Variants in DTD1 observed in about 807,000 individuals in gnomAD.
The protein encoded by DTD1 is D-tyrosyl-tRNA deacylase 1 homolog.
In DTD1, 13 loss-of-function variants were observed where a neutral mutation model predicts 25.6. The observed-to-expected ratio is 0.51, with a 90% confidence interval of 0.33 to 0.81. DTD1 has a LOEUF of 0.81. Among genes scored for constraint, DTD1 ranks in the 30% least tolerant of loss-of-function variants. The pLI is 0.02. For synonymous variants in DTD1, 110 were observed against 103.6 expected, an observed-to-expected ratio of 1.06 and a Z score of -0.37; for missense variants, 193 against 266.4, an observed-to-expected ratio of 0.72 and a Z score of 1.92.
rs998602007 is a variant in DTD1 at position 18,638,173 on chromosome 20, A to G, written c.477+9940A>G. On this transcript the variant is annotated intron_variant, in intron 4 of 5. Transcript: ENST00000377452. ...CACCCATATGTCCCTCCATCTGCCC[A>G]TCCATCCATCCATCCATCCATCCAT... is the stretch of plus-strand genomic sequence containing the variant. Among the ~76,000 whole-genome samples, 3 of 3,398 alleles carry G rather than the reference A, an allele frequency of 8.8e-4. No individual in the cohort carries two copies. The East Asian group carries it at 0.014, about 16-fold the overall frequency. 2.2% of individuals were successfully genotyped at this position (3,398 alleles called of 152,430 possible). A position where few individuals can be genotyped will look rare whatever the true frequency, so the allele number is the denominator to read the frequency against.
rs1600229443 is a variant in DTD1, at chr20:18,764,312, C to T, written c.*972C>T. The T allele has an allele frequency of 1.3e-5, 2 of 152,348 alleles. No individual in the cohort carries two copies. The highest frequency in any genetic ancestry group is 2.4e-5 in the African/African-American group (1 of 41,578). The allele number at this position is 152,348 out of a possible 1,614,324, so 9.4% of individuals were successfully genotyped here. A position where few individuals can be genotyped will look rare whatever the true frequency, so the allele number is the denominator to read the frequency against. ...TGTATCCAAGTCACCACACCCAGCACTCTGGGAAGAAAGAATCACATTCTG... is the reference window on the plus strand; with the variant it reads ...TGTATCCAAGTCACCACACCCAGCATTCTGGGAAGAAAGAATCACATTCTG... On this transcript the variant is annotated 3_prime_UTR_variant, in exon 6 of 6. Transcript: ENST00000377452.
chr20:18,636,631 T>A (rs899088281), intron 4 of DTD1, among the ~76,000 whole-genome samples: 18 of 151,988 alleles, frequency 1.2e-4, no homozygotes, highest in African/African-American at 4.1e-4. Flanking sequence ...GTCAGTGGGG[T>A]GTGAGTTGGA....
At chr20:18,719,364 G>A (rs754140465) in intron 4 of DTD1, among the ~76,000 whole-genome samples, 4 of 152,160 alleles carry the variant, frequency 2.6e-5, no homozygotes, top group Admixed American at 6.5e-5. Flanking sequence ...TCTTATTAGT[G>A]CAGATCTAAA....
chr20:18,654,009 T>C (rs1400987926), intron 4 of DTD1, among the ~76,000 whole-genome samples: 1 of 152,254 alleles, frequency 6.6e-6, no homozygotes, highest in Non-Finnish European at 1.5e-5. Context: ...GCTGCACTGC[T>C]TTACATTTTT....
chr20:18,757,769 G>A (rs1165341624), intron 5 of DTD1, among the ~76,000 whole-genome samples: 3 of 152,158 alleles, frequency 2.0e-5, no homozygotes, highest in Admixed American at 1.3e-4. Flanking sequence ...TTGGTATCAG[G>A]ATGATGCTGG....
Position 18,765,838 on chromosome 20 carries a change from G to T in DTD1, c.*2498G>T, listed in dbSNP as rs2061377348. 1 of 152,188 alleles carries T rather than the reference G, an allele frequency of 6.6e-6. No homozygotes were observed. The highest frequency in any genetic ancestry group is 2.1e-4 in the South Asian group (1 of 4,830). 9.4% of individuals were successfully genotyped at this position (152,188 alleles called of 1,614,324 possible). On this transcript the variant is annotated 3_prime_UTR_variant, in exon 6 of 6. Coordinates refer to ENST00000377452, the MANE Select transcript of DTD1 (RefSeq NM_080820.6). ...TTATTTATAAAGCATACTGCTTATT[G>T]TCCATTAAAACATCATTTGAATGAG...
intron 5 of DTD1, among the ~76,000 whole-genome samples, chr20:18,750,280 C>A (rs956105794): frequency 1.3e-5 from 2 of 152,164 alleles, no homozygotes; most frequent in African/African-American, 4.8e-5. Context: ...AAATCACCAC[C>A]AAATATTCAG....
intron 5 of DTD1, among the ~76,000 whole-genome samples, chr20:18,752,252 TC>T: frequency 6.6e-6 from 1 of 152,338 alleles, no homozygotes; most frequent in African/African-American, 2.4e-5. Flanking sequence ...CATTAATACT[TC>T]AATACCCCTA....
chr20:18,688,740 T>G lies in DTD1; in HGVS notation c.478-55360T>G, dbSNP rs139803834. ...TGTTTGGTTTTTTAGCTATGAAGCA[T>G]TCACAGAAATGATAAGAGCCAAGAT... On this transcript the variant is annotated intron_variant, in intron 4 of 5. Transcript: ENST00000377452. Among the ~76,000 whole-genome samples, 260 of 152,208 alleles carry G rather than the reference T, an allele frequency of 1.7e-3. 1 individual carries two copies. Among genetic ancestry groups the G allele is most frequent in the African/African-American group, 5.9e-3 (246 of 41,526 alleles).
chr20:18,631,517 A>G (rs1324827718), intron 4 of DTD1: 9 of 985,362 alleles, frequency 9.1e-6, no homozygotes, highest in Admixed American at 6.1e-5. Flanking sequence ...AATGTCTCCA[A>G]TTGAGAAATG....
intron 2 of DTD1, 62 bp from the exon 3 acceptor site, chr20:18,595,944 A>G (rs2122244106): frequency 1.4e-6 from 2 of 1,410,628 alleles, no homozygotes; most frequent in Admixed American, 1.7e-5. Flanking sequence ...TTTTTGGGGT[A>G]TGGAGTGTGT....
At chr20:18,716,791 T>C (rs892391543) in intron 4 of DTD1, among the ~76,000 whole-genome samples, 1 of 152,222 alleles carries the variant, frequency 6.6e-6, no homozygotes, top group Non-Finnish European at 1.5e-5. Flanking sequence ...AGAGAAGCCT[T>C]ACTGGTAACA....
At chr20:18,613,017 C>A (rs1439141833) in intron 3 of DTD1, among the ~76,000 whole-genome samples, 1 of 152,166 alleles carries the variant, frequency 6.6e-6, no homozygotes, top group African/African-American at 2.4e-5. Context: ...CCTTCTCCGT[C>A]ATGATCAAGG....
intron 5 of DTD1, among the ~76,000 whole-genome samples, chr20:18,748,947 C>T (rs1224891632): frequency 6.6e-6 from 1 of 152,106 alleles, no homozygotes; most frequent in Non-Finnish European, 1.5e-5. Flanking sequence ...TGTGTTTTTC[C>T]TTCCCCTTCC....
intron 4 of DTD1, among the ~76,000 whole-genome samples, chr20:18,707,103 A>T (rs1410960797): frequency 1.3e-5 from 2 of 152,172 alleles, no homozygotes; most frequent in Non-Finnish European, 2.9e-5. Context: ...TTTCACCTGG[A>T]TGTTCATCAC....
At chr20:18,591,419 G>A (rs2060588967) in intron 1 of DTD1, among the ~76,000 whole-genome samples, 2 of 152,114 alleles carry the variant, frequency 1.3e-5, no homozygotes. Context: ...AAGATGGAAT[G>A]GTTAATCAGT....
At chr20:18,615,130 C>T (rs1661373228) in intron 3 of DTD1, among the ~76,000 whole-genome samples, 1 of 151,976 alleles carries the variant, frequency 6.6e-6, no homozygotes, top group Non-Finnish European at 1.5e-5. Context: ...CACAGCCTCA[C>T]TTCTGTCATA....
intron 4 of DTD1, among the ~76,000 whole-genome samples, chr20:18,694,009 A>C (rs1326201267): frequency 6.6e-6 from 1 of 152,210 alleles, no homozygotes; most frequent in African/African-American, 2.4e-5. Context: ...ATTGCACAGC[A>C]CGGATGCAGG....
At chr20:18,733,941 C>G (rs1277465309) in intron 4 of DTD1, among the ~76,000 whole-genome samples, 2 of 152,190 alleles carry the variant, frequency 1.3e-5, no homozygotes, top group Non-Finnish European at 2.9e-5. Flanking sequence ...TGGAAACATC[C>G]TCTCTTAATA....
Sources: gnomAD v4.1 joint callset for allele counts (sites outside exome capture counted in the v4.1 genomes callset) on GRCh38, gnomAD v4.1.1 for gene constraint, MANE v1.5 for transcripts, NCBI Gene and HGNC (gene_info 2026-07-23, HGNC 2026-07-21) for gene names.